Variants in ZFPM2 observed in about 807,000 individuals in gnomAD.
ZFPM2 encodes the protein zinc finger protein ZFPM2.
ZFPM2 carries 20 observed loss-of-function variants against 98.6 expected under a neutral mutation model. That is an observed-to-expected ratio of 0.20 (90% CI 0.14 to 0.29). The LOEUF is 0.29. Ranked by LOEUF, ZFPM2 falls within the 10% of genes least tolerant of loss-of-function variation. ZFPM2 has a pLI of 1.00. For missense variants in ZFPM2, 1,310 were observed against 1,388.6 expected (o/e 0.94, Z 0.90); for synonymous variants, 518 against 502.7 (o/e 1.03, Z -0.41).
intron 6 of ZFPM2, among the ~76,000 whole-genome samples, chr8:105,789,480 A>G (rs948854848): frequency 5.3e-5 from 8 of 152,218 alleles, no homozygotes; most frequent in Admixed American, 2.0e-4. Flanking sequence ...AATCCAGTCT[A>G]TCATTGTTGG....
intron 1 of ZFPM2, among the ~76,000 whole-genome samples, chr8:105,400,719 C>T (rs1317904944): frequency 2.6e-5 from 4 of 151,818 alleles, no homozygotes; most frequent in African/African-American, 7.3e-5. Context: ...CTTTTTATTC[C>T]GTACATGCTT....
intron 1 of ZFPM2, among the ~76,000 whole-genome samples, chr8:105,343,049 G>A (rs1455579261): frequency 6.6e-6 from 1 of 152,070 alleles, no homozygotes; most frequent in African/African-American, 2.4e-5. Flanking sequence ...ATGGTTCAGT[G>A]GGAAACATGA....
chr8:105,641,672 T>C (rs987326397), intron 5 of ZFPM2, among the ~76,000 whole-genome samples: 5 of 152,156 alleles, frequency 3.3e-5, no homozygotes, highest in African/African-American at 1.2e-4. Context: ...TAGTGATTTA[T>C]TGATGTTATT....
intron 4 of ZFPM2, among the ~76,000 whole-genome samples, chr8:105,592,935 C>T (rs1388960277): frequency 6.6e-6 from 1 of 152,172 alleles, no homozygotes; most frequent in Non-Finnish European, 1.5e-5. Flanking sequence ...TATGACAGGG[C>T]TGCAGCCAAG....
intron 1 of ZFPM2, among the ~76,000 whole-genome samples, chr8:105,355,752 G>T (rs1812729268): frequency 6.6e-6 from 1 of 152,122 alleles, no homozygotes; most frequent in African/African-American, 2.4e-5. Context: ...AAGGCATTTT[G>T]ACCAACATAG....
At chr8:105,422,780 A>T (rs2130099571) in intron 2 of ZFPM2, among the ~76,000 whole-genome samples, 1 of 152,316 alleles carries the variant, frequency 6.6e-6, no homozygotes, top group East Asian at 1.9e-4. Flanking sequence ...CATACTGAGG[A>T]TAAACATAGA....
intron 4 of ZFPM2, among the ~76,000 whole-genome samples, chr8:105,622,433 T>C (rs539091952): frequency 6.6e-6 from 1 of 152,312 alleles, no homozygotes; most frequent in East Asian, 1.9e-4. Context: ...AAATTAAATA[T>C]TTTAATATAA....
At chr8:105,595,326 G>A (rs1218366526) in intron 4 of ZFPM2, among the ~76,000 whole-genome samples, 1 of 152,056 alleles carries the variant, frequency 6.6e-6, no homozygotes, top group Non-Finnish European at 1.5e-5. Context: ...AAGCCAGTGT[G>A]TGTGTTCAGT....
At chr8:105,339,927 C>T (rs1222533460) in intron 1 of ZFPM2, among the ~76,000 whole-genome samples, 1 of 151,872 alleles carries the variant, frequency 6.6e-6, no homozygotes. Context: ...AGAATTGATG[C>T]CATAAAGGAG....
chr8:105,339,297 A>G (rs1180682922), intron 1 of ZFPM2, among the ~76,000 whole-genome samples: 5 of 151,796 alleles, frequency 3.3e-5, no homozygotes, highest in Admixed American at 6.6e-5. Context: ...GGGAGAATTC[A>G]TTTGTTTCTT....
intron 1 of ZFPM2, among the ~76,000 whole-genome samples, chr8:105,324,828 G>A (rs1300820449): frequency 6.6e-6 from 1 of 151,852 alleles, no homozygotes; most frequent in Non-Finnish European, 1.5e-5. Context: ...GTGTATTCAA[G>A]TTTTAAATAA....
At chr8:105,452,710 C>T (rs1249101714) in intron 3 of ZFPM2, among the ~76,000 whole-genome samples, 4 of 152,062 alleles carry the variant, frequency 2.6e-5, no homozygotes, top group Non-Finnish European at 5.9e-5. Context: ...TGTGATCCTG[C>T]TACTGCACTC....
chr8:105,520,842 T>C (rs960712692), intron 3 of ZFPM2, among the ~76,000 whole-genome samples: 5 of 146,212 alleles, frequency 3.4e-5, no homozygotes, highest in African/African-American at 9.8e-5. Context: ...AGAAAAGATA[T>C]ATGGACAATT....
At chr8:105,749,745 A>C (rs890841719) in intron 5 of ZFPM2, among the ~76,000 whole-genome samples, 3 of 151,968 alleles carry the variant, frequency 2.0e-5, no homozygotes, top group Non-Finnish European at 2.9e-5. Flanking sequence ...AGCAAGTAAG[A>C]AAGAAAGGAA....
rs1209242842 is a variant in ZFPM2, at chr8:105,331,088, AT to A, written c.40+12115del. On this transcript the variant is annotated intron_variant, in intron 1 of 7. Transcript: ENST00000407775. ...TCATGTTCAACCCTTTTCTCCCATT[AT>A]TTTTTTTGTTTGTTGTTTCTTTTGT... is the stretch of plus-strand genomic sequence containing the variant. Among the ~76,000 whole-genome samples, 7 of 146,178 alleles carry A rather than the reference AT, an allele frequency of 4.8e-5. No homozygotes were observed. In the East Asian group the frequency reaches 6.0e-4, roughly 13 times the overall value.
At chr8:105,670,580 A>G (rs1428613112) in intron 5 of ZFPM2, among the ~76,000 whole-genome samples, 3 of 151,554 alleles carry the variant, frequency 2.0e-5, no homozygotes, top group Admixed American at 6.6e-5. Flanking sequence ...ATCCTTGTCA[A>G]TCCACCTCCC....
At chr8:105,449,591 G>A (rs1435659650) in intron 3 of ZFPM2, among the ~76,000 whole-genome samples, 1 of 151,952 alleles carries the variant, frequency 6.6e-6, no homozygotes, top group Non-Finnish European at 1.5e-5. Flanking sequence ...ATAAGTCAGA[G>A]TATCCATCAA....
chr8:105,586,892 A>G (rs1413420391), intron 4 of ZFPM2, among the ~76,000 whole-genome samples: 1 of 148,722 alleles, frequency 6.7e-6, no homozygotes, highest in African/African-American at 2.4e-5. Context: ...AAAATTTGGG[A>G]AAATATTTCT....
intron 2 of ZFPM2, among the ~76,000 whole-genome samples, chr8:105,436,049 T>C (rs373935909): frequency 2.6e-5 from 4 of 152,184 alleles, no homozygotes; most frequent in African/African-American, 9.7e-5. Flanking sequence ...TGTAATGATA[T>C]TGCAGTAAGT....
Sources: gnomAD v4.1 joint callset for allele counts (sites outside exome capture counted in the v4.1 genomes callset) on GRCh38, gnomAD v4.1.1 for gene constraint, MANE v1.5 for transcripts, NCBI Gene and HGNC (gene_info 2026-07-23, HGNC 2026-07-21) for gene names.